LRRC19: variants seen among roughly 807,000 people sequenced by gnomAD.
LRRC19 encodes the protein leucine rich repeat containing 19.
Under a neutral mutation model 33.3 loss-of-function variants are expected in LRRC19, and 33 were observed. The observed-to-expected ratio is 0.99, with a 90% CI of 0.75 to 1.33. The LOEUF (loss-of-function observed/expected upper bound fraction) is 1.33, where lower values mean the gene tolerates loss of function less well. LRRC19 is among the 40% of genes most tolerant of loss of function. The pLI, the probability that LRRC19 is intolerant of heterozygous loss-of-function variation, is 0.00. For missense variants in LRRC19, 463 were observed against 417.3 expected (o/e 1.11, Z -0.95); for synonymous variants, 184 against 152.3 (o/e 1.21, Z -1.53).
chr9:26,996,637 G>T, intron 3 of LRRC19, 138 bp from the exon 4 acceptor site: 1 of 495,724 alleles, frequency 2.0e-6, no homozygotes, highest in Non-Finnish European at 3.3e-6. Context: ...TATTTGTCTA[G>T]CAACATAATG....
intron 4 of LRRC19, 64 bp downstream of exon 4, chr9:26,996,247 A>G (rs1248534976): frequency 1.3e-5 from 12 of 930,242 alleles, no homozygotes; most frequent in Non-Finnish European, 1.7e-5. Context: ...AAATAAAGAT[A>G]ACTACCTCAG....
chr9:26,996,855 T>C (rs902763748), intron 3 of LRRC19, among the ~76,000 whole-genome samples: 7 of 152,170 alleles, frequency 4.6e-5, no homozygotes, highest in African/African-American at 1.7e-4. Context: ...AAAAAATTAG[T>C]CTGACATATT....
chr9:27,001,131 G>T (rs1828460990), intron 1 of LRRC19, among the ~76,000 whole-genome samples: 1 of 152,056 alleles, frequency 6.6e-6, no homozygotes, highest in African/African-American at 2.4e-5. Context: ...GCAAATGACA[G>T]GATTTCATTT....
intron 1 of LRRC19, among the ~76,000 whole-genome samples, chr9:27,002,243 T>G (rs905850467): frequency 1.3e-5 from 2 of 152,228 alleles, no homozygotes; most frequent in African/African-American, 4.8e-5. Context: ...GTGATTCTCA[T>G]GCCTCAGCCT....
Position 26,995,276 on chromosome 9 carries a change from A to C in LRRC19, c.*245T>G, listed in dbSNP as rs1828081609. The C allele has an allele frequency of 6.1e-6, 2 of 327,386 alleles. No homozygotes were observed. Among genetic ancestry groups the C allele is most frequent in the Non-Finnish European group, 1.1e-5 (2 of 177,566 alleles). The allele number at this position is 327,386 out of a possible 1,614,324, so 20.3% of individuals were successfully genotyped here. ...TACTAGTTCGTATGGTCACCCAAGC[A>C]CTGCTAAGAATAGTAGTGCTAGTAT... On this transcript the variant is annotated 3_prime_UTR_variant, in exon 5 of 5. Coordinates refer to ENST00000380055, the MANE Select transcript of LRRC19 (RefSeq NM_022901.3).
At chr9:26,996,174 A>G (rs527908886) in intron 4 of LRRC19, 137 bp downstream of exon 4, 4 of 607,716 alleles carry the variant, frequency 6.6e-6, no homozygotes, top group African/African-American at 5.7e-5. Flanking sequence ...TTGGAAGAGC[A>G]ATATTTTGTA....
intron 3 of LRRC19, among the ~76,000 whole-genome samples, chr9:26,997,168 C>T (rs538160332): frequency 1.2e-4 from 18 of 151,018 alleles, no homozygotes; most frequent in South Asian, 8.4e-4. Context: ...GCTGAGATCA[C>T]GCCAATGCAT....
At position 26,996,393 on chromosome 9, in the gene LRRC19, T is replaced by C. The variant is rs1828158045; in HGVS notation, c.702A>G (p.Val234=). ...GAAAATGAATATAAAGATCTTCAGT[T>C]ACTGATGAAGGAAATTTTGAGTGGC... ...AECHSKFPSS[V]TEDLYIHFQP... Residue 234 remains valine, a synonymous_variant, in exon 4 of 5, where the codon GTA becomes GTG. Coordinates refer to ENST00000380055, the MANE Select transcript of LRRC19 (RefSeq NM_022901.3). The C allele has an allele frequency of 6.2e-7, 1 of 1,610,696 alleles. No individual in the cohort carries two copies. Among genetic ancestry groups the C allele is most frequent in the African/African-American group, 1.3e-5 (1 of 74,886 alleles).
Position 26,998,133 on chromosome 9 carries a change from T to C in LRRC19, c.190A>G (p.Thr64Ala), listed in dbSNP as rs1232676334. Reference sequence around the variant, plus strand: ...TATGTCTGTAGAACTCTTGTGTCTGTACCATTAAGAGTAATTTGGTTATAA... The same window carrying C: ...TATGTCTGTAGAACTCTTGTGTCTGCACCATTAAGAGTAATTTGGTTATAA... The part of the protein sequence containing the change: ...LSYNQITLNG[T>A]DTRVLQTYFL... The change falls in exon 3 of 5, where the codon ACA becomes GCA. Residue 64 changes from threonine (T) to alanine (A), a missense_variant. Thr to Ala is a moderately conservative substitution (Grantham distance 58). Transcript: ENST00000380055. The C allele has an allele frequency of 6.2e-7, 1 of 1,611,414 alleles. No homozygotes were observed. Among genetic ancestry groups the C allele is most frequent in the Admixed American group, 1.7e-5 (1 of 59,960 alleles).
intron 1 of LRRC19, among the ~76,000 whole-genome samples, chr9:27,002,145 C>G (rs1041361198): frequency 4.6e-5 from 7 of 151,836 alleles, no homozygotes; most frequent in Non-Finnish European, 7.4e-5. Flanking sequence ...ATCTTTTTTT[C>G]TTTTGAGACA....
At chr9:26,998,284 T>A (rs768200428) in intron 2 of LRRC19, 43 bp from the exon 3 acceptor site, 2 of 1,163,798 alleles carry the variant, frequency 1.7e-6, no homozygotes, top group Admixed American at 3.1e-5. Context: ...AGAAAAAAAA[T>A]TAATAGAATT....
intron 2 of LRRC19, among the ~76,000 whole-genome samples, chr9:26,999,272 T>G (rs1828346099): frequency 6.6e-6 from 1 of 152,154 alleles, no homozygotes; most frequent in Admixed American, 6.6e-5. Flanking sequence ...TGCAGTTAGA[T>G]TTTTTCACCA....
At chr9:27,004,536 C>G (rs1239025045) in intron 1 of LRRC19, among the ~76,000 whole-genome samples, 1 of 152,094 alleles carries the variant, frequency 6.6e-6, no homozygotes, top group Admixed American at 6.6e-5. Context: ...CATTTGCTAG[C>G]ATTATTGGGT....
intron 2 of LRRC19, among the ~76,000 whole-genome samples, chr9:26,999,251 A>G (rs1440637639): frequency 6.6e-6 from 1 of 152,184 alleles, no homozygotes; most frequent in Non-Finnish European, 1.5e-5. Flanking sequence ...GTTCTGGTTT[A>G]TTACTGTTTT....
chr9:27,001,091 A>G (rs1047475352), intron 1 of LRRC19, among the ~76,000 whole-genome samples: 1 of 152,126 alleles, frequency 6.6e-6, no homozygotes, highest in African/African-American at 2.4e-5. Context: ...TTCACTTGAC[A>G]TAATGACCTC....
chr9:26,999,863 C>T (rs1828383994), intron 1 of LRRC19, among the ~76,000 whole-genome samples, 160 bp from the exon 2 acceptor site: 1 of 149,812 alleles, frequency 6.7e-6, no homozygotes, highest in African/African-American at 2.5e-5. Flanking sequence ...CCTTGATCTC[C>T]CAGGCTTAAG....
chr9:26,995,983 G>T (rs1828134741), intron 4 of LRRC19, 134 bp from the exon 5 acceptor site: 2 of 699,792 alleles, frequency 2.9e-6, no homozygotes, highest in Non-Finnish European at 4.4e-6. Context: ...TTTAGATTTT[G>T]TTTGGTGGAT....
chr9:26,996,328 T>C lies in LRRC19; in HGVS notation c.767A>G (p.Asn256Ser), dbSNP rs753482049. 6.3e-7 allele frequency: 1 copy of C among 1,593,794 alleles called. No homozygotes were observed. The highest frequency in any genetic ancestry group is 8.6e-7 in the Non-Finnish European group (1 of 1,166,700). ...TATATTACCTGAATTTCTTGTTAAG[T>C]TGTTCGAAGAGCTATTAAATATTGA... Reference protein sequence around the residue: ...SNSIFNSSSNNLTRNSEHEPL... With the variant: ...SNSIFNSSSNSLTRNSEHEPL... The change falls in exon 4 of 5, where the codon AAC (asparagine) becomes AGC (serine). Residue 256 changes from asparagine (N) to serine (S), a missense_variant. Transcript: ENST00000380055.
intron 1 of LRRC19, among the ~76,000 whole-genome samples, chr9:27,002,529 C>T (rs1828555924): frequency 6.6e-6 from 1 of 152,176 alleles, no homozygotes; most frequent in Non-Finnish European, 1.5e-5. Flanking sequence ...TTTTCTAGCA[C>T]CATTTATTGA....
Sources: gnomAD v4.1 joint callset for allele counts (sites outside exome capture counted in the v4.1 genomes callset) on GRCh38, gnomAD v4.1.1 for gene constraint, MANE v1.5 for transcripts, NCBI Gene and HGNC (gene_info 2026-07-23, HGNC 2026-07-21) for gene names.